Variants in NFIB observed in about 807,000 individuals in gnomAD.
NFIB encodes nuclear factor I B.
A neutral mutation model predicts 61.5 loss-of-function variants in NFIB; 11 were observed. That is an observed-to-expected ratio of 0.18 (90% CI 0.11 to 0.30). NFIB has a LOEUF of 0.30. Among genes scored for constraint, NFIB ranks in the 10% least tolerant of loss-of-function variants. The pLI is 1.00. For synonymous variants in NFIB, 260 were observed against 216.5 expected, an observed-to-expected ratio of 1.20 and a Z score of -1.76; for missense variants, 471 against 608.9, an observed-to-expected ratio of 0.77 and a Z score of 2.38.
At position 14,084,476 on chromosome 9, in the gene NFIB, T is replaced by G. The variant is rs1214093140; in HGVS notation, c.*3833A>C. 2 of 225,060 alleles carry G rather than the reference T, an allele frequency of 8.9e-6. No individual in the cohort carries two copies. The highest frequency in any genetic ancestry group is 1.3e-4 in the East Asian group (2 of 15,546). 13.9% of individuals were successfully genotyped at this position (225,060 alleles called of 1,614,324 possible). On this transcript the variant is annotated 3_prime_UTR_variant, in exon 11 of 11. Coordinates refer to ENST00000380953, the MANE Select transcript of NFIB (RefSeq NM_001190737.2). ...ATAACTATATTGCTATAATTAAGAT[T>G]TTTGCCATGTCTTTATGTACAGTCT...
intron 6 of NFIB, among the ~76,000 whole-genome samples, chr9:14,142,136 G>T (rs926970921): frequency 4.6e-5 from 7 of 152,070 alleles, no homozygotes; most frequent in Non-Finnish European, 1.0e-4. Context: ...GAGTGATATG[G>T]TTTAGCTGTG....
intron 1 of NFIB, among the ~76,000 whole-genome samples, chr9:14,372,143 C>T (rs1243325311): frequency 6.6e-6 from 1 of 151,826 alleles, no homozygotes; most frequent in Admixed American, 6.6e-5. Flanking sequence ...TAGATATTTC[C>T]ATACCCATGG....
chr9:14,518,627 C>T, the NFIB span, among the ~76,000 whole-genome samples: 39 of 151,542 alleles, frequency 2.6e-4, no homozygotes, highest in African/African-American at 8.7e-4. Flanking sequence ...TTTTGTCCTG[C>T]AGTTTCTGGG....
the NFIB span, among the ~76,000 whole-genome samples, chr9:14,470,187 A>T: frequency 6.6e-6 from 1 of 152,166 alleles, no homozygotes; most frequent in African/African-American, 2.4e-5. Flanking sequence ...GCTGGGAGCA[A>T]TGCCTGGCAC....
At chr9:14,389,683 G>A (rs1009488972) in intron 1 of NFIB, among the ~76,000 whole-genome samples, 2 of 151,996 alleles carry the variant, frequency 1.3e-5, no homozygotes, top group South Asian at 2.1e-4. Context: ...CTCATAATGG[G>A]TCCTCCTCAA....
At chr9:14,245,282 A>C (rs573637278) in intron 2 of NFIB, among the ~76,000 whole-genome samples, 3 of 152,240 alleles carry the variant, frequency 2.0e-5, no homozygotes, top group African/African-American at 7.2e-5. Context: ...TTCTCCCTAC[A>C]TCCATAATAA....
chr9:14,495,065 G>C, the NFIB span, among the ~76,000 whole-genome samples: 3 of 152,218 alleles, frequency 2.0e-5, no homozygotes. Flanking sequence ...TGGTGGCATT[G>C]ATGTAGTGCC....
At chr9:14,421,799 C>A in the NFIB span, among the ~76,000 whole-genome samples, 10 of 152,190 alleles carry the variant, frequency 6.6e-5, no homozygotes, top group Admixed American at 6.5e-4. Context: ...TGTACCAAAG[C>A]ATACCCAATT....
chr9:14,087,326 T>C lies in NFIB; in HGVS notation c.*983A>G. 1 of 206,272 alleles carries C rather than the reference T, an allele frequency of 4.8e-6. No homozygotes were observed. Among genetic ancestry groups the C allele is most frequent in the Non-Finnish European group, 9.9e-6 (1 of 100,804 alleles). The allele number at this position is 206,272 out of a possible 1,614,324, so 12.8% of individuals were successfully genotyped here. A position where few individuals can be genotyped will look rare whatever the true frequency, so the allele number is the denominator to read the frequency against. On this transcript the variant is annotated 3_prime_UTR_variant, in exon 11 of 11. Transcript: ENST00000380953. The stretch of plus-strand genomic sequence containing the variant: ...CCTCAAAAACTGAGGGGAAAATAAA[T>C]TCGTTCAAAATTATTTTAAATTCTT...
At chr9:14,403,394 AC>A (rs762254821), upstream of NFIB, among the ~76,000 whole-genome samples, 2 of 152,028 alleles carry the variant, frequency 1.3e-5, no homozygotes, top group Non-Finnish European at 2.9e-5. Context: ...GAGACAGAAT[AC>A]CCCTTTCCCA....
At chr9:14,520,400 G>A in the NFIB span, among the ~76,000 whole-genome samples, 9 of 152,128 alleles carry the variant, frequency 5.9e-5, no homozygotes, top group South Asian at 2.1e-4. Flanking sequence ...GACCCAGCCC[G>A]GCAGGCATTA....
At chr9:14,193,140 C>G (rs910614362) in intron 2 of NFIB, among the ~76,000 whole-genome samples, 3 of 150,722 alleles carry the variant, frequency 2.0e-5, no homozygotes, top group African/African-American at 7.3e-5. Flanking sequence ...TTAAAAAAGG[C>G]AACTAGATGC....
chr9:14,436,537 A>G, the NFIB span, among the ~76,000 whole-genome samples: 5 of 152,228 alleles, frequency 3.3e-5, no homozygotes, highest in African/African-American at 1.2e-4. Context: ...ACTTTTGAAC[A>G]GTTACCAAAT....
chr9:14,249,475 C>A (rs1186816295), intron 2 of NFIB, among the ~76,000 whole-genome samples: 1 of 151,994 alleles, frequency 6.6e-6, no homozygotes, highest in Admixed American at 6.6e-5. Flanking sequence ...GTTCATTCTA[C>A]TTTTTTTTAA....
At chr9:14,292,943 A>C (rs908656221) in intron 2 of NFIB, among the ~76,000 whole-genome samples, 17 of 152,338 alleles carry the variant, frequency 1.1e-4, no homozygotes, top group African/African-American at 4.1e-4. Context: ...CATCCCCTAC[A>C]AAACAAAAAC....
chr9:14,174,346 T>C (rs2045906799), intron 3 of NFIB, among the ~76,000 whole-genome samples: 1 of 152,200 alleles, frequency 6.6e-6, no homozygotes, highest in Non-Finnish European at 1.5e-5. Flanking sequence ...ATGCACATTG[T>C]CTAGTGCCAA....
At chr9:14,437,626 C>T in the NFIB span, among the ~76,000 whole-genome samples, 1 of 152,196 alleles carries the variant, frequency 6.6e-6, no homozygotes, top group African/African-American at 2.4e-5. Context: ...GTTCCTCTCC[C>T]TGGTTGTTTA....
chr9:14,234,552 T>C (rs1408416684), intron 2 of NFIB, among the ~76,000 whole-genome samples: 2 of 151,996 alleles, frequency 1.3e-5, no homozygotes, highest in Non-Finnish European at 2.9e-5. Flanking sequence ...GTATTTTTAG[T>C]AGAGACAGGG....
chr9:14,361,550 TA>T (rs959580861), intron 1 of NFIB: 4 of 152,168 alleles, frequency 2.6e-5, no homozygotes, highest in African/African-American at 9.7e-5. Flanking sequence ...GCAAGGCACA[TA>T]AATGATTTCA....
Sources: gnomAD v4.1 joint callset for allele counts (sites outside exome capture counted in the v4.1 genomes callset) on GRCh38, gnomAD v4.1.1 for gene constraint, MANE v1.5 for transcripts, NCBI Gene and HGNC (gene_info 2026-07-23, HGNC 2026-07-21) for gene names.